C3orf22: variants seen among roughly 807,000 people sequenced by gnomAD.
The protein encoded by C3orf22 is uncharacterized protein C3orf22.
A neutral mutation model predicts 10.8 loss-of-function variants in C3orf22; 7 were observed. That is an observed-to-expected ratio of 0.65 (90% CI 0.37 to 1.22). The LOEUF is 1.22. Among genes scored for constraint, C3orf22 ranks in the 50% most tolerant of loss-of-function variants. The pLI, the probability that C3orf22 is intolerant of heterozygous loss-of-function variation, is 0.02. For synonymous variants in C3orf22, 79 were observed against 78.9 expected (o/e 1.00, Z 0.00); for missense variants, 173 against 177.0 (o/e 0.98, Z 0.13).
chr3:126,536,034 T>C (rs1936782287), intron 4 of C3orf22, among the ~76,000 whole-genome samples: 1 of 152,148 alleles, frequency 6.6e-6, no homozygotes, highest in Non-Finnish European at 1.5e-5. Flanking sequence ...ACCCTCCAAC[T>C]TTGGAGGGTA....
chr3:126,556,861 C>A (rs1182879669), intron 1 of C3orf22, among the ~76,000 whole-genome samples: 15 of 147,662 alleles, frequency 1.0e-4, no homozygotes, highest in African/African-American at 3.8e-4. Flanking sequence ...CACACACAGA[C>A]TCACATACAC....
chr3:126,530,869 C>T (rs987215374), intron 4 of C3orf22, among the ~76,000 whole-genome samples: 1 of 152,262 alleles, frequency 6.6e-6, no homozygotes, highest in African/African-American at 2.4e-5. Context: ...CCTCTGCATG[C>T]CCTGGCCACT....
intron 1 of C3orf22, among the ~76,000 whole-genome samples, chr3:126,557,015 C>CACAT (rs147012024): frequency 1.3e-3 from 1 of 752 alleles, no homozygotes; most frequent in Admixed American, 0.013. Context: ...CACACAGACC[C>CACAT]ACACAAACTC....
intron 4 of C3orf22, among the ~76,000 whole-genome samples, chr3:126,535,099 T>TCCCTGTCCTCAGCTGGGAGACAGAC (rs1560139687): frequency 1.6e-4 from 1 of 6,406 alleles, no homozygotes; most frequent in South Asian, 5.0e-3. Flanking sequence ...GGGAGACAGA[T>TCCCTGTCCTCAGCTGGGAGACAGAC]AGACAGCATC....
chr3:126,537,908 G>C (rs1234155447), intron 4 of C3orf22, among the ~76,000 whole-genome samples: 2 of 152,236 alleles, frequency 1.3e-5, no homozygotes, highest in African/African-American at 4.8e-5. Flanking sequence ...AAAGGTCACA[G>C]AGCTTCTATG....
chr3:126,549,674 G>A (rs1326856943), downstream of C3orf22: 1 of 1,524,962 alleles, frequency 6.6e-7, no homozygotes, highest in Non-Finnish European at 8.8e-7. Context: ...GAGGCAAAGT[G>A]ATCATTCCAG....
rs1440376873 is a variant in C3orf22 at position 126,551,049 on chromosome 3, G to A, written c.215+948C>T. On this transcript the variant is annotated intron_variant, in intron 3 of 3. Transcript: ENST00000318225. ...TCTGATGCTCCTGTAGCCGAACTAC[G>A]GGGAGTGAGGCCTGGCAAAGGCCAG... is the stretch of plus-strand genomic sequence containing the variant. Among the ~76,000 whole-genome samples, 7 of 152,388 alleles carry A rather than the reference G, an allele frequency of 4.6e-5. No homozygotes were observed. In the South Asian group the frequency reaches 1.0e-3, roughly 23 times the overall value.
chr3:126,540,806 A>T (rs1936942221), intron 4 of C3orf22, among the ~76,000 whole-genome samples: 1 of 152,118 alleles, frequency 6.6e-6, no homozygotes, highest in Non-Finnish European at 1.5e-5. Context: ...CAGCAACGGC[A>T]CCCCTTTACA....
chr3:126,551,813 G>A (rs1351119844), intron 3 of C3orf22, among the ~76,000 whole-genome samples, 184 bp downstream of exon 3: 2 of 152,262 alleles, frequency 1.3e-5, no homozygotes, highest in East Asian at 3.8e-4. Context: ...TTGCCTGGAT[G>A]CTGCCTGGCT....
intron 4 of C3orf22, among the ~76,000 whole-genome samples, chr3:126,535,999 T>C (rs1936781695): frequency 1.3e-5 from 2 of 152,162 alleles, no homozygotes; most frequent in African/African-American, 4.8e-5. Flanking sequence ...GGTATCACCT[T>C]CCCACTTGTC....
intron 4 of C3orf22, chr3:126,541,694 C>G: frequency 1.4e-6 from 2 of 1,409,004 alleles, no homozygotes. Flanking sequence ...CCCGCGCTGC[C>G]CTGACGCGTC....
At chr3:126,536,338 C>T (rs1433935671) in intron 4 of C3orf22, 1 of 1,613,882 alleles carries the variant, frequency 6.2e-7, no homozygotes, top group East Asian at 2.2e-5. Context: ...TGCAGAAGCT[C>T]TATGACCTGG....
intron 4 of C3orf22, chr3:126,542,285 G>C (rs763869348): frequency 6.4e-7 from 1 of 1,564,712 alleles, no homozygotes. Context: ...GCCCTTCAAC[G>C]AGCACTGGGA....
intron 4 of C3orf22, chr3:126,542,116 C>T (rs1185565658): frequency 1.9e-6 from 3 of 1,578,214 alleles, no homozygotes; most frequent in Middle Eastern, 1.7e-4. Flanking sequence ...GCAACAAGCT[C>T]GCGCGCCCCT....
At position 126,552,020 on chromosome 3, in the gene C3orf22, T is replaced by C. The variant is rs764783897; in HGVS notation, c.192A>G (p.Pro64=). The C allele has an allele frequency of 6.2e-7, 1 of 1,612,954 alleles. No homozygotes were observed. Among genetic ancestry groups the C allele is most frequent in the Non-Finnish European group, 8.5e-7 (1 of 1,179,486 alleles). Residue 64 remains proline (P), a synonymous_variant, in exon 3 of 4, where the codon CCA becomes CCG. Coordinates refer to ENST00000318225, the MANE Select transcript of C3orf22 (RefSeq NM_152533.3). ...ACCCTCGGACTGGGATGGACCTCGTTGGCACCAACCTCTTCTGCAGGGGCA... is the reference window on the plus strand; with the variant it reads ...ACCCTCGGACTGGGATGGACCTCGTCGGCACCAACCTCTTCTGCAGGGGCA... ...VQLPLQKRLV[P]TRSIPVRGLG...
At chr3:126,531,141 G>A (rs1380956311) in intron 4 of C3orf22, among the ~76,000 whole-genome samples, 3 of 152,266 alleles carry the variant, frequency 2.0e-5, no homozygotes, top group South Asian at 2.1e-4. Context: ...GTCAAAGCAC[G>A]CTCCCAGACC....
At chr3:126,552,854 G>A (rs983390956) in intron 2 of C3orf22, among the ~76,000 whole-genome samples, 2 of 152,262 alleles carry the variant, frequency 1.3e-5, no homozygotes, top group African/African-American at 4.8e-5. Flanking sequence ...CCTTGCATTT[G>A]TTTTGCCTCT....
chr3:126,543,888 G>A (rs1937024948), intron 4 of C3orf22, among the ~76,000 whole-genome samples: 1 of 152,172 alleles, frequency 6.6e-6, no homozygotes, highest in Non-Finnish European at 1.5e-5. Context: ...GGCTGCAGCT[G>A]CCACTGGTTT....
downstream of C3orf22, among the ~76,000 whole-genome samples, chr3:126,548,483 T>C (rs1937106483): frequency 6.6e-6 from 1 of 152,194 alleles, no homozygotes. Flanking sequence ...AGTGCATAGC[T>C]TAAACCTCAG....
Sources: allele counts gnomAD v4.1 joint callset (sites outside exome capture counted in the v4.1 genomes callset), GRCh38; gene constraint gnomAD v4.1.1; transcripts MANE v1.5; gene names NCBI Gene and HGNC (gene_info 2026-07-23, HGNC 2026-07-21).